The following IFT27 variants were observed in gnomAD, a reference collection of about 807,000 sequenced individuals.
IFT27 encodes intraflagellar transport protein 27 homolog.
Under a neutral mutation model 23.9 loss-of-function variants are expected in IFT27, and 19 were observed. The ratio of observed to expected loss-of-function variants is 0.79; its 90% CI spans 0.55 to 1.16. The LOEUF is 1.16. Among genes scored for constraint, IFT27 ranks in the 50% most tolerant of loss-of-function variants. The pLI, the probability that IFT27 is intolerant of heterozygous loss-of-function variation, is 0.00. For synonymous variants in IFT27, 91 were observed against 89.1 expected, an observed-to-expected ratio of 1.02 and a Z score of -0.12; for missense variants, 206 against 228.7, an observed-to-expected ratio of 0.90 and a Z score of 0.64.
Position 36,772,641 on chromosome 22 carries a change from C to T in IFT27, c.34+3033G>A, listed in dbSNP as rs1314103381. 8 of 985,336 alleles carry T rather than the reference C, an allele frequency of 8.1e-6. No homozygotes were observed. In the Admixed American group the frequency reaches 3.1e-4, roughly 38 times the overall value. The allele number at this position is 985,336 out of a possible 1,614,324, so 61.0% of individuals were successfully genotyped here. A position where few individuals can be genotyped will look rare whatever the true frequency, so the allele number is the denominator to read the frequency against. On this transcript the variant is annotated intron_variant, in intron 1 of 6. Transcript: ENST00000433985. ...ACGTATCACACGCATCTTAGTTCTT[C>T]CTTGAGTGCAACTGACTCATGCTTG... is the stretch of plus-strand genomic sequence containing the variant.
intron 4 of IFT27, among the ~76,000 whole-genome samples, chr22:36,765,647 G>A (rs910506989): frequency 6.6e-6 from 1 of 152,208 alleles, no homozygotes; most frequent in African/African-American, 2.4e-5. Context: ...TGGATCCTGC[G>A]AGGCTGGTGG....
At chr22:36,769,940 G>A (rs1187114994) in intron 1 of IFT27, among the ~76,000 whole-genome samples, 1 of 152,230 alleles carries the variant, frequency 6.6e-6, no homozygotes, top group Non-Finnish European at 1.5e-5. Context: ...GAAACCGCCT[G>A]TGTTGGCTAT....
At chr22:36,764,108 G>C in intron 4 of IFT27, 72 bp from the exon 5 acceptor site, 1 of 1,087,792 alleles carries the variant, frequency 9.2e-7, no homozygotes, top group Non-Finnish European at 1.4e-6. Flanking sequence ...AGACAATTTG[G>C]CCTTCCAAGG....
intron 5 of IFT27, chr22:36,763,488 C>T (rs1042702895): frequency 2.4e-5 from 7 of 289,912 alleles, no homozygotes; most frequent in South Asian, 3.7e-5. Context: ...TCACTTTCCC[C>T]GGTCTATAAT....
intron 1 of IFT27, chr22:36,772,623 A>C (rs1938410493): frequency 1.0e-6 from 1 of 985,356 alleles, no homozygotes; most frequent in African/African-American, 1.7e-5. Context: ...AGAACGTATC[A>C]CACGCATCTT....
intron 5 of IFT27, 38 bp from the exon 6 acceptor site, chr22:36,763,051 G>C (rs1380124499): frequency 1.4e-6 from 2 of 1,452,470 alleles, no homozygotes; most frequent in Non-Finnish European, 9.6e-7. Context: ...GCACTTCACT[G>C]TCACACTCTG....
At chr22:36,761,782 G>A (rs1283241188) in intron 6 of IFT27, 1 of 152,210 alleles carries the variant, frequency 6.6e-6, no homozygotes, top group African/African-American at 2.4e-5. Flanking sequence ...TTTCCCTAAG[G>A]AAGCATGCTG....
At chr22:36,770,273 T>A (rs528739137) in intron 1 of IFT27, among the ~76,000 whole-genome samples, 1 of 152,170 alleles carries the variant, frequency 6.6e-6, no homozygotes, top group African/African-American at 2.4e-5. Context: ...CTCTGAAGGA[T>A]GTGAGTCAGC....
At position 36,759,984 on chromosome 22, in the gene IFT27, C is replaced by T. The variant is rs1294226687; in HGVS notation, c.463-1575G>A. The T allele has an allele frequency of 2.0e-5, 3 of 152,342 alleles. No individual in the cohort carries two copies. The East Asian group carries it at 5.8e-4, about 29-fold the overall frequency. 9.4% of individuals were successfully genotyped at this position (152,342 alleles called of 1,614,324 possible). ...AGCCTAAGTAAAGAAAACAGTTGGCCAAGAGGAAAGACAGTGGTGGCAATG... is the reference window on the plus strand; with the variant it reads ...AGCCTAAGTAAAGAAAACAGTTGGCTAAGAGGAAAGACAGTGGTGGCAATG... On this transcript the variant is annotated intron_variant, in intron 6 of 6. Coordinates refer to ENST00000433985, the MANE Select transcript of IFT27 (RefSeq NM_001177701.3).
In IFT27 at chr22:36,763,983, G is replaced by A; in HGVS notation, c.288C>T (p.Ser96=). 6.2e-7 allele frequency: 1 copy of A among 1,614,212 alleles called. No individual in the cohort carries two copies. Among genetic ancestry groups the A allele is most frequent in the African/African-American group, 1.3e-5 (1 of 75,060 alleles). ...CLVYDVTNEE[S]FNNCSKWLEK... ...CCAGCCACTTGCTGCAGTTGTTGAA[G>A]GATTCTTCATTGGTCACATCATAGA... The change falls in exon 5 of 7, where the codon TCC becomes TCT. Residue 96 remains serine (S), a synonymous_variant. Coordinates refer to ENST00000433985, the MANE Select transcript of IFT27 (RefSeq NM_001177701.3).
chr22:36,758,310 G>T lies in IFT27; in HGVS notation c.*1C>A, dbSNP rs368923336. On this transcript the variant is annotated 3_prime_UTR_variant, in exon 7 of 7. Coordinates refer to ENST00000433985, the MANE Select transcript of IFT27 (RefSeq NM_001177701.3). ...TGTGCAGCACGATCTGCTCCAGCTC[G>T]TCATGCCAGGGCCCGGAAAACCTCC... 1 of 1,612,580 alleles carries T rather than the reference G, an allele frequency of 6.2e-7. No homozygotes were observed. The highest frequency in any genetic ancestry group is 8.5e-7 in the Non-Finnish European group (1 of 1,178,600).
At chr22:36,763,080 T>C in intron 5 of IFT27, 67 bp from the exon 6 acceptor site, 1 of 1,180,166 alleles carries the variant, frequency 8.5e-7, no homozygotes, top group Non-Finnish European at 1.2e-6. Flanking sequence ...GCGGGCGAGA[T>C]GAGAGCACTA....
intron 6 of IFT27, chr22:36,761,688 C>T (rs1300862633): frequency 1.3e-5 from 2 of 152,246 alleles, no homozygotes; most frequent in African/African-American, 4.8e-5. Context: ...GAGCCACCAA[C>T]AGGTGAAATA....
chr22:36,775,277 A>C (rs1419906368), intron 1 of IFT27, among the ~76,000 whole-genome samples: 1 of 152,238 alleles, frequency 6.6e-6, no homozygotes, highest in East Asian at 1.9e-4. Flanking sequence ...CCCATAGTAA[A>C]GACTACCAAA....
chr22:36,774,846 C>G (rs1318778553), intron 1 of IFT27, among the ~76,000 whole-genome samples: 1 of 152,050 alleles, frequency 6.6e-6, no homozygotes. Flanking sequence ...CAATCCAGTA[C>G]CTAGCCCAGT....
intron 1 of IFT27, among the ~76,000 whole-genome samples, chr22:36,772,184 G>A (rs1938399358): frequency 6.6e-6 from 1 of 152,170 alleles, no homozygotes; most frequent in South Asian, 2.1e-4. Context: ...CTCAGTGGTA[G>A]CGCACGATGT....
intron 4 of IFT27, 111 bp downstream of exon 4, chr22:36,766,027 T>C (rs1938239516): frequency 1.1e-6 from 1 of 883,600 alleles, no homozygotes; most frequent in African/African-American, 1.6e-5. Context: ...AGTAATGCCA[T>C]GGGAGCTTCC....
chr22:36,763,686 C>T (rs564193145), intron 5 of IFT27: 29 of 611,952 alleles, frequency 4.7e-5, no homozygotes, highest in Non-Finnish European at 8.0e-5. Flanking sequence ...AGTCTCCCCA[C>T]AGCCCTGCCA....
In IFT27 at chr22:36,771,301, C is replaced by T. The variant is rs78457028; in HGVS notation, c.35-3439G>A. On this transcript the variant is annotated intron_variant, in intron 1 of 6. Transcript: ENST00000433985. Reference sequence around the variant, plus strand: ...TTTTCCTCTTCCAGTCCTCTAGCACCAGTGTCATTCACATCCTACTGAAAT... The same window carrying T: ...TTTTCCTCTTCCAGTCCTCTAGCACTAGTGTCATTCACATCCTACTGAAAT... 9.6e-3 allele frequency among the ~76,000 whole-genome samples: 1,459 copies of T among 152,330 alleles called. 21 individuals carry two copies. Among genetic ancestry groups the T allele is most frequent in the African/African-American group, 0.034 (1,393 of 41,562 alleles).
Sources: allele counts gnomAD v4.1 joint callset (sites outside exome capture counted in the v4.1 genomes callset), GRCh38; gene constraint gnomAD v4.1.1; transcripts MANE v1.5; gene names NCBI Gene and HGNC (gene_info 2026-07-23, HGNC 2026-07-21).